EIF2S2: variants seen among roughly 807,000 people sequenced by gnomAD.
EIF2S2 encodes eukaryotic translation initiation factor 2 subunit 2.
A neutral mutation model predicts 44.0 loss-of-function variants in EIF2S2; 4 were observed. The observed-to-expected ratio is 0.09, with a 90% CI of 0.04 to 0.21. The LOEUF is 0.21. Ranked by LOEUF, EIF2S2 falls within the 10% of genes least tolerant of loss-of-function variation. EIF2S2 has a pLI of 1.00. For synonymous variants in EIF2S2, 108 were observed against 128.3 expected, an observed-to-expected ratio of 0.84 and a Z score of 1.07; for missense variants, 154 against 392.0, an observed-to-expected ratio of 0.39 and a Z score of 5.13.
At chr20:34,111,719 C>T (rs1300338340) in intron 1 of EIF2S2, among the ~76,000 whole-genome samples, 1 of 152,230 alleles carries the variant, frequency 6.6e-6, no homozygotes, top group Non-Finnish European at 1.5e-5. Flanking sequence ...CTGGCACCCC[C>T]GGCACCCAGT....
chr20:34,111,902 C>T (rs2034417700), intron 1 of EIF2S2, among the ~76,000 whole-genome samples, 194 bp downstream of exon 1: 1 of 152,260 alleles, frequency 6.6e-6, no homozygotes, highest in South Asian at 2.1e-4. Context: ...AGCGCTGCCG[C>T]CCTGAGGAAA....
chr20:34,091,999 A>G (rs1265897185), intron 7 of EIF2S2, among the ~76,000 whole-genome samples: 3 of 152,212 alleles, frequency 2.0e-5, no homozygotes, highest in Non-Finnish European at 2.9e-5. Context: ...GAAACTGTTG[A>G]CAGGCACTTT....
At position 34,110,096 on chromosome 20, in the gene EIF2S2, CAA is replaced by C. The variant is rs11167227; in HGVS notation, c.15+1998_15+1999del. On this transcript the variant is annotated intron_variant, in intron 1 of 8. Transcript: ENST00000374980. ...CCAGCGACAGTGCGAAATTCCATCT[CAA>C]AAAAAAAAAAAAAAAAACAGAAATA... 4.4e-3 allele frequency among the ~76,000 whole-genome samples: 376 copies of C among 86,142 alleles called. 1 individual carries two copies. Among genetic ancestry groups the C allele is most frequent in the African/African-American group, 9.9e-3 (233 of 23,470 alleles). 56.5% of individuals were successfully genotyped at this position (86,142 alleles called of 152,430 possible). A position where few individuals can be genotyped will look rare whatever the true frequency, so the allele number is the denominator to read the frequency against.
At chr20:34,110,207 G>C (rs767461825) in intron 1 of EIF2S2, among the ~76,000 whole-genome samples, 33 of 152,022 alleles carry the variant, frequency 2.2e-4, no homozygotes, top group Admixed American at 2.0e-3. Context: ...TCCACTCTGG[G>C]AAAGTCCTTG....
At chr20:34,096,458 G>A (rs1294768136) in intron 6 of EIF2S2, among the ~76,000 whole-genome samples, 199 bp downstream of exon 6, 5 of 152,202 alleles carry the variant, frequency 3.3e-5, no homozygotes, top group Middle Eastern at 3.4e-3. Context: ...AAGCAAGACC[G>A]TTATCTTTAA....
intron 7 of EIF2S2, among the ~76,000 whole-genome samples, chr20:34,092,422 G>A (rs1247085939): frequency 6.6e-6 from 1 of 152,212 alleles, no homozygotes; most frequent in Non-Finnish European, 1.5e-5. Context: ...TGTAATCCCA[G>A]CACTTTGGGA....
intron 3 of EIF2S2, among the ~76,000 whole-genome samples, chr20:34,099,001 C>A (rs547833007): frequency 7.9e-4 from 120 of 152,336 alleles, no homozygotes; most frequent in African/African-American, 2.8e-3. Flanking sequence ...ATCTTTCCCC[C>A]TCATTCATCT....
At chr20:34,100,265 C>T (rs1276730696) in intron 3 of EIF2S2, among the ~76,000 whole-genome samples, 3 of 152,134 alleles carry the variant, frequency 2.0e-5, no homozygotes, top group Non-Finnish European at 4.4e-5. Flanking sequence ...TCCACCGGCC[C>T]GGGCCTCCCA....
intron 1 of EIF2S2, among the ~76,000 whole-genome samples, chr20:34,109,521 G>A (rs776763273): frequency 1.3e-4 from 19 of 151,986 alleles, no homozygotes; most frequent in Non-Finnish European, 2.6e-4. Context: ...ATTAGCGGGT[G>A]CAAGAGCATG....
intron 5 of EIF2S2, 102 bp downstream of exon 5, chr20:34,097,314 C>T (rs2034240448): frequency 1.0e-6 from 1 of 970,494 alleles, no homozygotes; most frequent in South Asian, 1.5e-5. Flanking sequence ...TCTGTTCCAC[C>T]ATCAGTCATT....
At chr20:34,105,886 A>G (rs1291719993) in intron 1 of EIF2S2, among the ~76,000 whole-genome samples, 1 of 152,136 alleles carries the variant, frequency 6.6e-6, no homozygotes, top group African/African-American at 2.4e-5. Context: ...CACTTTACAG[A>G]TATAGGAAAA....
chr20:34,099,694 CAT>C (rs2034273699), intron 3 of EIF2S2, among the ~76,000 whole-genome samples: 1 of 152,234 alleles, frequency 6.6e-6, no homozygotes, highest in Admixed American at 6.5e-5. Flanking sequence ...TTCTGTCCAA[CAT>C]GGCTATAAAC....
intron 1 of EIF2S2, among the ~76,000 whole-genome samples, chr20:34,107,520 A>C (rs1047227944): frequency 6.6e-6 from 1 of 152,220 alleles, no homozygotes; most frequent in Non-Finnish European, 1.5e-5. Flanking sequence ...AACACTTGCC[A>C]TAGTGCCTGG....
chr20:34,100,159 C>T (rs2034279136), intron 3 of EIF2S2, among the ~76,000 whole-genome samples: 4 of 152,208 alleles, frequency 2.6e-5, no homozygotes, highest in South Asian at 4.2e-4. Context: ...GGACTAGAGG[C>T]GCACGCCACC....
intron 3 of EIF2S2, among the ~76,000 whole-genome samples, chr20:34,101,215 C>T (rs1256121436): frequency 2.0e-5 from 3 of 152,200 alleles, no homozygotes; most frequent in Non-Finnish European, 4.4e-5. Context: ...GAGGCCAAGG[C>T]AGGCGGATCA....
At chr20:34,105,252 T>G (rs1036700137) in intron 2 of EIF2S2, 116 bp downstream of exon 2, 2 of 1,111,182 alleles carry the variant, frequency 1.8e-6, no homozygotes, top group African/African-American at 3.1e-5. Context: ...CTGATGGCCT[T>G]GACTTCACTG....
chr20:34,112,129 C>G lies in EIF2S2; in HGVS notation c.-19G>C. ...CAGACATGGCTGCGGCTCGAGTGGG[C>G]TCGGCACGGACGGGAAGTCAGACGG... On this transcript the variant is annotated 5_prime_UTR_variant, in exon 1 of 9. Transcript: ENST00000374980. 1 of 1,545,598 alleles carries G rather than the reference C, an allele frequency of 6.5e-7. No individual in the cohort carries two copies. The highest frequency in any genetic ancestry group is 1.2e-5 in the South Asian group (1 of 83,384).
chr20:34,094,964 A>G (rs951467576), intron 6 of EIF2S2, among the ~76,000 whole-genome samples: 4 of 152,234 alleles, frequency 2.6e-5, no homozygotes, highest in African/African-American at 7.2e-5. Context: ...CTAGAAAGCA[A>G]TGTGCTAATG....
intron 6 of EIF2S2, among the ~76,000 whole-genome samples, chr20:34,095,502 C>T (rs1246266086): frequency 2.0e-5 from 3 of 151,968 alleles, no homozygotes; most frequent in African/African-American, 4.8e-5. Context: ...TTAGTAGAGC[C>T]GGGGTTTCAC....
Sources: gnomAD v4.1 joint callset for allele counts (sites outside exome capture counted in the v4.1 genomes callset) on GRCh38, gnomAD v4.1.1 for gene constraint, MANE v1.5 for transcripts, NCBI Gene and HGNC (gene_info 2026-07-23, HGNC 2026-07-21) for gene names.